The following PTDSS2 variants were observed in gnomAD, a reference collection of about 807,000 sequenced individuals.
PTDSS2 encodes the protein phosphatidylserine synthase 2.
PTDSS2 carries 41 observed loss-of-function variants against 64.7 expected under a neutral mutation model. The observed-to-expected ratio is 0.63, with a 90% CI of 0.49 to 0.82. The LOEUF (loss-of-function observed/expected upper bound fraction) is 0.82, where lower values mean the gene tolerates loss of function less well. Ranked by LOEUF, PTDSS2 falls within the 40% of genes least tolerant of loss-of-function variation. PTDSS2 has a pLI of 0.00. For missense variants in PTDSS2, 485 were observed against 650.0 expected (o/e 0.75, Z 2.76); for synonymous variants, 297 against 277.8 (o/e 1.07, Z -0.69).
intron 2 of PTDSS2, among the ~76,000 whole-genome samples, chr11:471,389 C>G (rs549647817): frequency 1.3e-5 from 2 of 152,362 alleles, no homozygotes; most frequent in African/African-American, 4.8e-5. Flanking sequence ...ACCACTGTGC[C>G]CGGCAAGTAA....
At chr11:453,127 G>T (rs1339377279) in intron 1 of PTDSS2, among the ~76,000 whole-genome samples, 1 of 152,148 alleles carries the variant, frequency 6.6e-6, no homozygotes, top group Non-Finnish European at 1.5e-5. Context: ...CAGCCATAGG[G>T]ATAGGGCGTG....
At chr11:472,954 G>A (rs531273203) in intron 2 of PTDSS2, among the ~76,000 whole-genome samples, 1 of 152,358 alleles carries the variant, frequency 6.6e-6, no homozygotes, top group South Asian at 2.1e-4. Context: ...GCAGCGGCCA[G>A]TGGATCTCAG....
At position 488,560 on chromosome 11, in the gene PTDSS2, T is replaced by C. The variant is rs1167494283; in HGVS notation, c.767T>C (p.Leu256Pro). ...ATGGACGTGCTCGTCTGCAACGGGC[T>C]GGGCATCTACTGCGGCATGAAGACC... Reference protein sequence around the residue: ...WIMDVLVCNGLGIYCGMKTLE... With the variant: ...WIMDVLVCNGPGIYCGMKTLE... The change falls in exon 8 of 12, where the codon CTG becomes CCG. Residue 256 changes from leucine to proline, a missense_variant. Around this residue, in one of 3 missense-constraint regions of PTDSS2, gnomAD observed 251 missense variants for 348.0 expected, o/e 0.72. Coordinates refer to ENST00000308020, the MANE Select transcript of PTDSS2 (RefSeq NM_030783.3). The C allele has an allele frequency of 6.2e-7, 1 of 1,613,554 alleles. No individual in the cohort carries two copies. The highest frequency in any genetic ancestry group is 1.1e-5 in the South Asian group (1 of 91,084).
In PTDSS2 at chr11:460,363, G is replaced by A. The variant is rs536629052; in HGVS notation, c.284+75G>A. 9 of 1,222,780 alleles carry A rather than the reference G, an allele frequency of 7.4e-6. No individual in the cohort carries two copies. In the African/African-American group the frequency reaches 1.0e-4, roughly 14 times the overall value. The allele number at this position is 1,222,780 out of a possible 1,614,324, so 75.7% of individuals were successfully genotyped here. A position where few individuals can be genotyped will look rare whatever the true frequency, so the allele number is the denominator to read the frequency against. On this transcript the variant is annotated intron_variant, in intron 2 of 11. Transcript: ENST00000308020. The surrounding 1 kb of genome is among the most constrained non-coding windows in gnomAD (Gnocchi z 5.8). ...GGTGGGTGTGGCACCCTTACTGCTC[G>A]GGCTGCCGGGGGCTCAGAAGGCCTT...
At position 476,670 on chromosome 11, in the gene PTDSS2, C is replaced by A. The variant is rs1361777761; in HGVS notation, c.368-2415C>A. The stretch of plus-strand genomic sequence containing the variant: ...AGGAGCTCTGGCGCAGGTCACCTGG[C>A]GGGATGTGGAGCATCTGGGCCTGAA... On this transcript the variant is annotated intron_variant, in intron 3 of 11. Coordinates refer to ENST00000308020, the MANE Select transcript of PTDSS2 (RefSeq NM_030783.3). This position sits in a 1 kb window ranked among gnomAD's most constrained non-coding sequence, Gnocchi z 4.9. Among the ~76,000 whole-genome samples, 1 of 152,122 alleles carries A rather than the reference C, an allele frequency of 6.6e-6. No individual in the cohort carries two copies. Among genetic ancestry groups the A allele is most frequent in the East Asian group, 1.9e-4 (1 of 5,184 alleles).
chr11:448,529 C>G (rs1022351245), upstream of PTDSS2: 1 of 152,330 alleles, frequency 6.6e-6, no homozygotes, highest in African/African-American at 2.4e-5. Flanking sequence ...TGGACGGGAG[C>G]TGGCTGCTCT....
chr11:487,470 G>A lies in PTDSS2; in HGVS notation c.621G>A (p.Lys207=). Residue 207 remains lysine, a splice_region_variant and synonymous_variant, in exon 6 of 12, where the codon AAG becomes AAA. Transcript: ENST00000308020. ...CGCACTTTCTTGGCTGGTACCTGAA[G>A]GTACGGCACCTCCTCTTCCCGGCCT... ...VPAHFLGWYL[K]TLMIRDWWMC... 3.7e-6 allele frequency: 6 copies of A among 1,613,788 alleles called. No homozygotes were observed. Among genetic ancestry groups the A allele is most frequent in the Non-Finnish European group, 5.1e-6 (6 of 1,179,894 alleles).
In PTDSS2 at chr11:470,853, G is replaced by T. The variant is rs573768771; in HGVS notation, c.285-3042G>T. Among the ~76,000 whole-genome samples, 4 of 152,122 alleles carry T rather than the reference G, an allele frequency of 2.6e-5. No individual in the cohort carries two copies. In the South Asian group the frequency reaches 6.2e-4, roughly 24 times the overall value. On this transcript the variant is annotated intron_variant, in intron 2 of 11. Transcript: ENST00000308020. This position sits in a 1 kb window ranked among gnomAD's most constrained non-coding sequence, Gnocchi z 5.3. ...TCCGCCTGCCTCAGCCTCCCAAAGT[G>T]CTGGGATTACAGGCGTGAGCCACCG...
intron 3 of PTDSS2, among the ~76,000 whole-genome samples, chr11:478,195 A>G (rs959320820): frequency 1.3e-5 from 2 of 152,262 alleles, no homozygotes; most frequent in Admixed American, 1.3e-4. Context: ...ACATTCATCC[A>G]TGACAAAAAC....
chr11:490,369 G>A (rs1373360592), intron 11 of PTDSS2, 51 bp from the exon 12 acceptor site: 1 of 1,611,164 alleles, frequency 6.2e-7, no homozygotes, highest in Non-Finnish European at 8.5e-7. Flanking sequence ...CATGGGGCCT[G>A]CAGTGGGGCT....
At position 479,711 on chromosome 11, in the gene PTDSS2, C is replaced by T. The variant is rs1847984893; in HGVS notation, c.435+559C>T. On this transcript the variant is annotated intron_variant, in intron 4 of 11. Coordinates refer to ENST00000308020, the MANE Select transcript of PTDSS2 (RefSeq NM_030783.3). This position sits in a 1 kb window ranked among gnomAD's most constrained non-coding sequence, Gnocchi z 4.2. ...GTGACTGTGTGTGCTTCTTCCCCAT[C>T]CTGACCACATTCTGCAAGACGAGCA... Among the ~76,000 whole-genome samples the T allele has an allele frequency of 6.7e-6, 1 of 148,668 alleles. No homozygotes were observed. The highest frequency in any genetic ancestry group is 1.5e-5 in the Non-Finnish European group (1 of 67,154).
At chr11:466,224 G>T (rs2133783529) in intron 2 of PTDSS2, among the ~76,000 whole-genome samples, 1 of 152,096 alleles carries the variant, frequency 6.6e-6, no homozygotes, top group East Asian at 1.9e-4. Flanking sequence ...CTGCTATAAA[G>T]AAATACCCAA....
At chr11:485,215 C>CCG (rs1214360881) in intron 4 of PTDSS2, among the ~76,000 whole-genome samples, 3 of 120,108 alleles carry the variant, frequency 2.5e-5, no homozygotes, top group South Asian at 2.8e-4. Context: ...TGTGTGCTCA[C>CCG]TGTGCGCAGG....
At position 454,783 on chromosome 11, in the gene PTDSS2, C is replaced by T. The variant is rs191669845; in HGVS notation, c.182+4146C>T. ...CAGCCTGGGTGACAGAGCAAGACTC[C>T]ATCTCAAAAAGAAAAAAAGAAGTCA... is the stretch of plus-strand genomic sequence containing the variant. On this transcript the variant is annotated intron_variant, in intron 1 of 11. Coordinates refer to ENST00000308020, the MANE Select transcript of PTDSS2 (RefSeq NM_030783.3). Among the ~76,000 whole-genome samples, 411 of 152,294 alleles carry T rather than the reference C, an allele frequency of 2.7e-3. 2 individuals carry two copies. Among genetic ancestry groups the T allele is most frequent in the Non-Finnish European group, 2.2e-3 (149 of 68,024 alleles).
At chr11:487,738 G>A (rs1297373330) in intron 6 of PTDSS2, among the ~76,000 whole-genome samples, 1 of 152,234 alleles carries the variant, frequency 6.6e-6, no homozygotes. Context: ...CTGGGCTTGG[G>A]CACTGCCCCA....
chr11:449,958 G>A (rs974294150), upstream of PTDSS2, among the ~76,000 whole-genome samples: 1 of 152,162 alleles, frequency 6.6e-6, no homozygotes, highest in African/African-American at 2.4e-5. Flanking sequence ...AAAAAGGAAT[G>A]ACCCGGGTCG....
intron 1 of PTDSS2, among the ~76,000 whole-genome samples, chr11:455,928 T>C (rs1014700952): frequency 1.3e-5 from 2 of 152,162 alleles, no homozygotes; most frequent in African/African-American, 4.8e-5. Flanking sequence ...AGGGAATGGC[T>C]GTGATGGCCC....
At chr11:471,636 G>A (rs1160160623) in intron 2 of PTDSS2, among the ~76,000 whole-genome samples, 2 of 150,644 alleles carry the variant, frequency 1.3e-5, no homozygotes, top group Admixed American at 1.3e-4. Flanking sequence ...GGCGGAGGGC[G>A]GCCTGGGGTG....
At chr11:486,812 C>A in intron 4 of PTDSS2, 127 bp from the exon 5 acceptor site, 1 of 1,266,836 alleles carries the variant, frequency 7.9e-7, no homozygotes, top group Non-Finnish European at 1.1e-6. Flanking sequence ...CACGCCACTG[C>A]ATTCCAGCCT....
Sources: gnomAD v4.1 joint callset for allele counts (sites outside exome capture counted in the v4.1 genomes callset) on GRCh38, gnomAD v4.1.1 for gene constraint, gnomAD v4.1.1 regional missense constraint, Gnocchi (gnomAD v3.1) non-coding constraint, MANE v1.5 for transcripts, NCBI Gene and HGNC (gene_info 2026-07-23, HGNC 2026-07-21) for gene names.